Variants in SLC35D4 observed in about 807,000 individuals in gnomAD.
SLC35D4 encodes the protein UDP-N-acetylglucosamine transporter SLC35D4.
chr18:23,425,527 C>T, the SLC35D4 span, among the ~76,000 whole-genome samples: 2 of 152,204 alleles, frequency 1.3e-5, no homozygotes, highest in African/African-American at 4.8e-5. Flanking sequence ...AACACCAGAG[C>T]TTGGCCTCGC....
chr18:23,359,938 G>A, the SLC35D4 span, among the ~76,000 whole-genome samples: 7 of 152,160 alleles, frequency 4.6e-5, no homozygotes, highest in South Asian at 4.1e-4. Flanking sequence ...TGAGATTCTC[G>A]GAGCAAACTC....
chr18:23,374,115 CA>C, the SLC35D4 span, among the ~76,000 whole-genome samples: 19 of 152,144 alleles, frequency 1.2e-4, no homozygotes, highest in Admixed American at 9.2e-4. Flanking sequence ...CAAAAATATA[CA>C]AGTGAAAAAC....
At chr18:23,411,449 G>A in the SLC35D4 span, among the ~76,000 whole-genome samples, 1 of 136,698 alleles carries the variant, frequency 7.3e-6, no homozygotes, top group Admixed American at 7.7e-5. Flanking sequence ...AGAAAAAGAA[G>A]GATAAAGAAA....
the SLC35D4 span, chr18:23,258,245 G>C: frequency 1.3e-5 from 2 of 152,640 alleles, no homozygotes; most frequent in Non-Finnish European, 2.9e-5. Flanking sequence ...AGATGGCTGG[G>C]GCGGCGCCCC....
chr18:23,310,896 A>T, the SLC35D4 span, among the ~76,000 whole-genome samples: 1 of 152,148 alleles, frequency 6.6e-6, no homozygotes, highest in Admixed American at 6.5e-5. Context: ...ATTTGTAGCA[A>T]AAACCTTGAT....
the SLC35D4 span, chr18:23,373,823 G>T: frequency 6.4e-7 from 1 of 1,573,040 alleles, no homozygotes; most frequent in South Asian, 1.1e-5. Flanking sequence ...GTTTCCCTAA[G>T]AGCGTGGAGG....
chr18:23,378,669 G>C, the SLC35D4 span, among the ~76,000 whole-genome samples: 1 of 152,116 alleles, frequency 6.6e-6, no homozygotes. Flanking sequence ...GGGTGACACA[G>C]ATTTTTCTTC....
At chr18:23,386,703 T>A in the SLC35D4 span, among the ~76,000 whole-genome samples, 2 of 78,352 alleles carry the variant, frequency 2.6e-5, no homozygotes, top group African/African-American at 5.0e-5. Flanking sequence ...AATATTTGAA[T>A]AACTGGATAA....
At chr18:23,422,868 C>T in the SLC35D4 span, among the ~76,000 whole-genome samples, 1 of 152,084 alleles carries the variant, frequency 6.6e-6, no homozygotes, top group African/African-American at 2.4e-5. Context: ...AGAGGGACAG[C>T]TGCTTGCTCT....
At chr18:23,364,339 AATCT>A in the SLC35D4 span, among the ~76,000 whole-genome samples, 1 of 152,196 alleles carries the variant, frequency 6.6e-6, no homozygotes, top group African/African-American at 2.4e-5. Context: ...CAAAAACAAA[AATCT>A]ATCTTAAGGC....
At chr18:23,379,240 C>A in the SLC35D4 span, among the ~76,000 whole-genome samples, 4 of 151,816 alleles carry the variant, frequency 2.6e-5, no homozygotes, top group Non-Finnish European at 4.4e-5. Flanking sequence ...TCTCCTGTCT[C>A]AGCCTCCCAA....
At chr18:23,271,043 T>C in the SLC35D4 span, among the ~76,000 whole-genome samples, 2 of 152,216 alleles carry the variant, frequency 1.3e-5, no homozygotes, top group African/African-American at 2.4e-5. Flanking sequence ...TCATCTTGAA[T>C]TGTAGCTCCT....
the SLC35D4 span, among the ~76,000 whole-genome samples, chr18:23,409,865 G>A: frequency 0.25 from 1,566 of 6,318 alleles, 337 homozygotes; most frequent in Middle Eastern, 0.33. Flanking sequence ...AAAAAAAAAA[G>A]AGGATGGTTG....
At chr18:23,285,299 A>C in the SLC35D4 span, among the ~76,000 whole-genome samples, 14 of 151,856 alleles carry the variant, frequency 9.2e-5, no homozygotes, top group African/African-American at 3.4e-4. Context: ...CACTATAGGC[A>C]ACCTTCCACC....
the SLC35D4 span, among the ~76,000 whole-genome samples, chr18:23,300,413 C>CA: frequency 6.6e-6 from 1 of 152,218 alleles, no homozygotes; most frequent in East Asian, 1.9e-4. Flanking sequence ...ATACACTTTC[C>CA]ACTAATCCTC....
the SLC35D4 span, chr18:23,437,631 A>G: frequency 1.3e-6 from 1 of 756,406 alleles, no homozygotes; most frequent in Non-Finnish European, 2.1e-6. Context: ...CTGAAAGAGC[A>G]TCCCACACAC....
the SLC35D4 span, among the ~76,000 whole-genome samples, chr18:23,385,842 C>T: frequency 0.31 from 47,477 of 151,802 alleles, 8,847 homozygotes; most frequent in East Asian, 0.47. Flanking sequence ...TGAAAAATGG[C>T]CCCCTAAGGC....
the SLC35D4 span, among the ~76,000 whole-genome samples, chr18:23,380,962 T>C: frequency 2.3e-3 from 347 of 152,260 alleles, 4 homozygotes; most frequent in Middle Eastern, 0.02. Flanking sequence ...AATCTACACA[T>C]AGTAGACAAA....
chr18:23,376,914 G>A, the SLC35D4 span: 1 of 456,726 alleles, frequency 2.2e-6, no homozygotes. Context: ...TTGAAGTTTG[G>A]TTTTGTCTTG....
Sources: allele counts gnomAD v4.1 joint callset (sites outside exome capture counted in the v4.1 genomes callset), GRCh38; gene constraint gnomAD v4.1.1; transcripts MANE v1.5; gene names NCBI Gene and HGNC (gene_info 2026-07-23, HGNC 2026-07-21).